OLA1: variants seen among roughly 807,000 people sequenced by gnomAD.
OLA1 encodes obg-like ATPase 1.
OLA1 carries 14 observed loss-of-function variants against 48.4 expected under a neutral mutation model. That is an observed-to-expected ratio of 0.29 (90% CI 0.19 to 0.45). OLA1 has a LOEUF of 0.45. OLA1 is among the 20% of genes least tolerant of loss of function. The pLI is 1.00. For synonymous variants in OLA1, 127 were observed against 150.4 expected, an observed-to-expected ratio of 0.84 and a Z score of 1.14; for missense variants, 325 against 467.1, an observed-to-expected ratio of 0.70 and a Z score of 2.80.
At chr2:174,232,065 G>A (rs185321112) in intron 2 of OLA1, among the ~76,000 whole-genome samples, 1 of 152,082 alleles carries the variant, frequency 6.6e-6, no homozygotes, top group African/African-American at 2.4e-5. Context: ...TGCAAGAATG[G>A]GTTTACATAA....
chr2:174,189,018 T>A (rs1257784611), intron 4 of OLA1, among the ~76,000 whole-genome samples: 1 of 152,122 alleles, frequency 6.6e-6, no homozygotes, highest in African/African-American at 2.4e-5. Flanking sequence ...GGCATATTGA[T>A]GAAACAGAAT....
At chr2:174,107,090 A>T in intron 7 of OLA1, among the ~76,000 whole-genome samples, 1 of 152,148 alleles carries the variant, frequency 6.6e-6, no homozygotes, top group East Asian at 1.9e-4. Context: ...GATGGACTAG[A>T]CAATTTGCTC....
At chr2:174,137,907 A>C (rs1295770941) in intron 5 of OLA1, among the ~76,000 whole-genome samples, 1 of 152,296 alleles carries the variant, frequency 6.6e-6, no homozygotes, top group East Asian at 1.9e-4. Flanking sequence ...CACACCTATA[A>C]TCCCAGCTAC....
At chr2:174,247,795 C>T (rs753330463) in intron 1 of OLA1, 15 of 1,549,676 alleles carry the variant, frequency 9.7e-6, no homozygotes, top group Non-Finnish European at 1.3e-5. Context: ...AATTAATCGA[C>T]GGAACCTTTT....
chr2:174,084,657 T>A (rs1389400724), intron 7 of OLA1, among the ~76,000 whole-genome samples: 1 of 152,212 alleles, frequency 6.6e-6, no homozygotes, highest in Non-Finnish European at 1.5e-5. Context: ...ACCAGTTACC[T>A]TTTGCAGAAA....
At chr2:174,168,141 T>C (rs1376268874) in intron 4 of OLA1, among the ~76,000 whole-genome samples, 2 of 152,216 alleles carry the variant, frequency 1.3e-5, no homozygotes, top group African/African-American at 2.4e-5. Flanking sequence ...AGATAAATCA[T>C]GGTCTTTCTG....
intron 5 of OLA1, among the ~76,000 whole-genome samples, chr2:174,124,077 A>C (rs1685985476): frequency 6.6e-6 from 1 of 152,180 alleles, no homozygotes; most frequent in Admixed American, 6.5e-5. Flanking sequence ...AAGAAGAAAA[A>C]CAAACAAGAC....
intron 4 of OLA1, among the ~76,000 whole-genome samples, chr2:174,169,322 A>G (rs991645626): frequency 6.6e-6 from 1 of 152,222 alleles, no homozygotes; most frequent in African/African-American, 2.4e-5. Context: ...GCATTAATGA[A>G]TAAAAATTTA....
At chr2:174,151,551 C>A (rs940673736) in intron 4 of OLA1, among the ~76,000 whole-genome samples, 4 of 151,918 alleles carry the variant, frequency 2.6e-5, no homozygotes, top group African/African-American at 9.7e-5. Context: ...AATAGAAGAT[C>A]AATTATTAAA....
chr2:174,110,095 T>G (rs1450057713), intron 7 of OLA1, among the ~76,000 whole-genome samples: 1 of 148,268 alleles, frequency 6.7e-6, no homozygotes, highest in Non-Finnish European at 1.5e-5. Flanking sequence ...CTAAGGATTT[T>G]TTTTTTTTTT....
chr2:174,101,664 G>C (rs1330072987), intron 7 of OLA1, among the ~76,000 whole-genome samples: 5 of 152,206 alleles, frequency 3.3e-5, no homozygotes, highest in Non-Finnish European at 7.3e-5. Flanking sequence ...AAGCTAATCA[G>C]AATGCCCTGC....
chr2:174,145,580 T>C (rs1233688466), intron 4 of OLA1, among the ~76,000 whole-genome samples: 2 of 152,162 alleles, frequency 1.3e-5, no homozygotes, highest in African/African-American at 4.8e-5. Flanking sequence ...TTAATGTTTA[T>C]CTTTTTCTCA....
intron 4 of OLA1, among the ~76,000 whole-genome samples, chr2:174,158,750 A>C (rs1452964775): frequency 6.6e-6 from 1 of 152,190 alleles, no homozygotes; most frequent in Non-Finnish European, 1.5e-5. Context: ...TAGAGCAAAA[A>C]ACAGGGGGAC....
At chr2:174,244,784 C>T (rs1275197309) in intron 2 of OLA1, among the ~76,000 whole-genome samples, 1 of 151,942 alleles carries the variant, frequency 6.6e-6, no homozygotes, top group East Asian at 1.9e-4. Context: ...GCCACCATGT[C>T]CGGCTAATTT....
intron 1 of OLA1, chr2:174,247,766 G>T: frequency 6.4e-7 from 1 of 1,550,770 alleles, no homozygotes; most frequent in South Asian, 1.2e-5. Flanking sequence ...CTACATTATG[G>T]TTACTATTTC....
intron 7 of OLA1, among the ~76,000 whole-genome samples, chr2:174,083,668 A>G (rs1156585746): frequency 6.6e-6 from 1 of 152,180 alleles, no homozygotes; most frequent in African/African-American, 2.4e-5. Context: ...ACAGACTTAC[A>G]CTATTCAAAC....
chr2:174,132,993 A>ACTATGTGTT (rs1184907047), intron 5 of OLA1, among the ~76,000 whole-genome samples: 7 of 152,130 alleles, frequency 4.6e-5, no homozygotes, highest in Admixed American at 2.0e-4. Context: ...CACTTTTTGC[A>ACTATGTGTT]CTATGTGTTT....
intron 4 of OLA1, among the ~76,000 whole-genome samples, chr2:174,205,768 G>C (rs1688099170): frequency 6.6e-6 from 1 of 152,152 alleles, no homozygotes; most frequent in African/African-American, 2.4e-5. Context: ...CGGTCAAGGG[G>C]ACACCATGGC....
chr2:174,198,229 G>A (rs556386937), intron 4 of OLA1, among the ~76,000 whole-genome samples: 4 of 152,210 alleles, frequency 2.6e-5, no homozygotes, highest in Admixed American at 6.5e-5. Flanking sequence ...CCAAAGTGCT[G>A]GGATTACAGG....
Sources: allele counts gnomAD v4.1 joint callset (sites outside exome capture counted in the v4.1 genomes callset), GRCh38; gene constraint gnomAD v4.1.1; transcripts MANE v1.5; gene names NCBI Gene and HGNC (gene_info 2026-07-23, HGNC 2026-07-21).